Variants in LIMS3 observed in about 807,000 individuals in gnomAD.
The protein encoded by LIMS3 is LIM and senescent cell antigen-like-containing domain protein 3.
At chr2:109,912,498 CT>C (rs1676988820) in intron 2 of LIMS3, among the ~76,000 whole-genome samples, 1 of 22,614 alleles carries the variant, frequency 4.4e-5, no homozygotes, top group Non-Finnish European at 9.9e-5. Flanking sequence ...AATACTTGTA[CT>C]TTTGGCTGCA....
intron 5 of LIMS3, among the ~76,000 whole-genome samples, chr2:109,918,352 A>AAG (rs1553472279): frequency 2.9e-5 from 1 of 34,762 alleles, no homozygotes; most frequent in African/African-American, 9.2e-5. Context: ...AAAAAAAAAA[A>AAG]AAAGAAAGAA....
chr2:109,923,966 C>T (rs1404704592), intron 8 of LIMS3, among the ~76,000 whole-genome samples: 3 of 20,960 alleles, frequency 1.4e-4, no homozygotes, highest in African/African-American at 7.0e-4. Flanking sequence ...ACCCAGGAGG[C>T]GGAGGTTGCA....
intron 8 of LIMS3, among the ~76,000 whole-genome samples, chr2:109,924,020 C>T (rs1344768609): frequency 4.0e-5 from 2 of 49,658 alleles, no homozygotes; most frequent in South Asian, 8.0e-4. Context: ...GGCAACAGAG[C>T]GAGACTCTGT....
At chr2:109,918,290 A>G (rs1439038206) in intron 5 of LIMS3, among the ~76,000 whole-genome samples, 1 of 149,568 alleles carries the variant, frequency 6.7e-6, no homozygotes, top group Non-Finnish European at 1.5e-5. Context: ...GTGAGTGTGG[A>G]TCGCGCCACT....
chr2:109,914,544 T>TA, intron 3 of LIMS3, 67 bp downstream of exon 3: 3 of 390,796 alleles, frequency 7.7e-6, no homozygotes, highest in South Asian at 6.7e-5. Context: ...CTCACACCTG[T>TA]AATCCTAGCA....
At chr2:109,917,791 CA>C (rs1677041886) in intron 5 of LIMS3, among the ~76,000 whole-genome samples, 1 of 11,382 alleles carries the variant, frequency 8.8e-5, no homozygotes, top group African/African-American at 9.5e-5. Context: ...CTAAAAAATA[CA>C]AAAAAAATTA....
chr2:109,918,303 A>G (rs1250842724), intron 5 of LIMS3, among the ~76,000 whole-genome samples: 954 of 130,856 alleles, frequency 7.3e-3, no homozygotes, highest in East Asian at 0.033. Flanking sequence ...GCGCCACTGC[A>G]CTCCAGCCTG....
intron 8 of LIMS3, among the ~76,000 whole-genome samples, chr2:109,924,096 A>G (rs1451611165): frequency 4.3e-5 from 2 of 46,718 alleles, no homozygotes; most frequent in East Asian, 9.5e-4. Flanking sequence ...CCAGCTACTC[A>G]GGAGGCTGAG....
chr2:109,918,243 C>G (rs1357052451), intron 5 of LIMS3, among the ~76,000 whole-genome samples: 6 of 152,088 alleles, frequency 3.9e-5, no homozygotes, highest in African/African-American at 1.4e-4. Context: ...GAGGCTGAGG[C>G]AGGAGAATGG....
At chr2:109,913,270 GC>G (rs1248464626) in intron 2 of LIMS3, among the ~76,000 whole-genome samples, 1 of 11,878 alleles carries the variant, frequency 8.4e-5, no homozygotes, top group Middle Eastern at 9.4e-3. Context: ...CTTGTAAGGA[GC>G]TCAAAGACTC....
At chr2:109,917,948 C>CA (rs1190419152) in intron 5 of LIMS3, among the ~76,000 whole-genome samples, 1 of 43,780 alleles carries the variant, frequency 2.3e-5, no homozygotes. Flanking sequence ...GACTCCGTCT[C>CA]AAAAAAAAAT....
At chr2:109,914,569 GGGA>G in intron 3 of LIMS3, 92 bp downstream of exon 3, 1 of 338,098 alleles carries the variant, frequency 3.0e-6, no homozygotes, top group South Asian at 2.3e-5. Context: ...GGGAGGCGGA[GGGA>G]GGAGGATCAC....
chr2:109,918,336 C>CAAAA (rs779481865), intron 5 of LIMS3, among the ~76,000 whole-genome samples: 1 of 28,258 alleles, frequency 3.5e-5, no homozygotes, highest in African/African-American at 2.0e-4. Context: ...AGACTCGTCT[C>CAAAA]AAAAAAAAAA....
intron 2 of LIMS3, 124 bp from the exon 3 acceptor site, chr2:109,914,286 GA>G (rs1298261796): frequency 1.6e-6 from 1 of 640,922 alleles, no homozygotes; most frequent in Non-Finnish European, 2.8e-6. Flanking sequence ...AATCCCAGTA[GA>G]GTTATAAATT....
At chr2:109,914,178 T>C (rs548320066) in intron 2 of LIMS3, among the ~76,000 whole-genome samples, 1 of 151,676 alleles carries the variant, frequency 6.6e-6, no homozygotes, top group East Asian at 1.9e-4. Context: ...CCAGTCCCTG[T>C]AGGTGTACTG....
chr2:109,918,339 A>AC, intron 5 of LIMS3, among the ~76,000 whole-genome samples: 1 of 29,590 alleles, frequency 3.4e-5, no homozygotes, highest in Non-Finnish European at 1.0e-4. Context: ...CTCGTCTCAA[A>AC]AAAAAAAAAA....
At chr2:109,912,665 TC>T (rs1217406463) in intron 2 of LIMS3, among the ~76,000 whole-genome samples, 12 of 101,436 alleles carry the variant, frequency 1.2e-4, no homozygotes, top group Non-Finnish European at 2.0e-5. Context: ...GCCCAAGTGT[TC>T]AAGACGAGCC....
At chr2:109,914,295 ATTC>A (rs1677028584) in intron 2 of LIMS3, 113 bp from the exon 3 acceptor site, 1 of 634,510 alleles carries the variant, frequency 1.6e-6, no homozygotes, top group African/African-American at 1.9e-5. Context: ...AGAGTTATAA[ATTC>A]TTAGAGTAGA....
intron 2 of LIMS3, among the ~76,000 whole-genome samples, chr2:109,912,566 GT>G (rs1676990392): frequency 1.3e-5 from 1 of 75,536 alleles, no homozygotes; most frequent in East Asian, 3.6e-4. Flanking sequence ...TATTCTTTCT[GT>G]TTAAAAACCA....
Sources: allele counts gnomAD v4.1 joint callset (sites outside exome capture counted in the v4.1 genomes callset), GRCh38; gene constraint gnomAD v4.1.1; transcripts MANE v1.5; gene names NCBI Gene and HGNC (gene_info 2026-07-23, HGNC 2026-07-21).